Variants in TMTC2 observed in about 807,000 individuals in gnomAD.
TMTC2 encodes the protein protein O-mannosyl-transferase TMTC2.
Under a neutral mutation model 82.4 loss-of-function variants are expected in TMTC2, and 43 were observed. The observed-to-expected ratio is 0.52, with a 90% CI of 0.41 to 0.67. TMTC2 has a LOEUF of 0.67. Among genes scored for constraint, TMTC2 ranks in the 30% least tolerant of loss-of-function variants. TMTC2 has a pLI of 0.00. For missense variants in TMTC2, 919 were observed against 1,012.4 expected, an observed-to-expected ratio of 0.91 and a Z score of 1.25; for synonymous variants, 408 against 381.9, an observed-to-expected ratio of 1.07 and a Z score of -0.80.
intron 11 of TMTC2, among the ~76,000 whole-genome samples, chr12:83,082,294 G>A (rs2137505875): frequency 1.3e-5 from 2 of 152,268 alleles, no homozygotes; most frequent in South Asian, 4.2e-4. Flanking sequence ...GCTAACACAT[G>A]CTAGGCTCTG....
At chr12:82,994,770 T>C (rs1433750268) in intron 8 of TMTC2, among the ~76,000 whole-genome samples, 1 of 152,192 alleles carries the variant, frequency 6.6e-6, no homozygotes, top group African/African-American at 2.4e-5. Context: ...CCGTGTATTT[T>C]ATTTAGGTGA....
At chr12:82,799,959 CA>C (rs1305282689) in intron 1 of TMTC2, among the ~76,000 whole-genome samples, 3 of 151,814 alleles carry the variant, frequency 2.0e-5, no homozygotes, top group African/African-American at 4.8e-5. Flanking sequence ...TGGCCTTTTG[CA>C]AGACTACATC....
intron 1 of TMTC2, among the ~76,000 whole-genome samples, chr12:82,780,098 T>C (rs575763009): frequency 2.0e-5 from 3 of 152,292 alleles, no homozygotes; most frequent in South Asian, 2.1e-4. Context: ...CTGTTCTCAG[T>C]CTTTTCTATT....
intron 8 of TMTC2, among the ~76,000 whole-genome samples, chr12:83,020,679 C>T (rs1243487541): frequency 6.6e-6 from 1 of 152,062 alleles, no homozygotes; most frequent in Non-Finnish European, 1.5e-5. Flanking sequence ...ATATAGCAAC[C>T]TAAGTAATTT....
chr12:82,958,359 AAAAAAAAAAAAC>A (rs1454411635), intron 4 of TMTC2, among the ~76,000 whole-genome samples: 13 of 22,872 alleles, frequency 5.7e-4, no homozygotes. Flanking sequence ...TGTCTCAAAA[AAAAAAAAAAAAC>A]AAAAAAAACA....
intron 1 of TMTC2, among the ~76,000 whole-genome samples, chr12:82,839,558 G>A (rs949987722): frequency 2.6e-5 from 4 of 152,288 alleles, no homozygotes; most frequent in Admixed American, 6.5e-5. Flanking sequence ...GTTTCACATT[G>A]TCCTGTTGTT....
intron 1 of TMTC2, among the ~76,000 whole-genome samples, chr12:82,697,793 C>G (rs1872881488): frequency 1.3e-5 from 2 of 152,112 alleles, no homozygotes; most frequent in African/African-American, 2.4e-5. Flanking sequence ...GGCTTATGCT[C>G]AAGTAGGTGC....
intron 8 of TMTC2, among the ~76,000 whole-genome samples, chr12:83,004,722 ATTTTTTTTTTTTTTTTTTTTTTTTTT>A (rs528076999): frequency 7.8e-4 from 28 of 36,032 alleles, no homozygotes; most frequent in Middle Eastern, 0.038. Flanking sequence ...TACTGGCCGA[ATTTTTTTTTTTTTTTTTTTTTTTTTT>A]TTTTTTTTTT....
intron 1 of TMTC2, among the ~76,000 whole-genome samples, chr12:82,701,759 CAAAAAAAA>C (rs1303971501): frequency 1.1e-5 from 1 of 94,962 alleles, no homozygotes; most frequent in Non-Finnish European, 2.2e-5. Context: ...AACTCCGTCT[CAAAAAAAA>C]AAAAAAGAAA....
At chr12:82,785,352 AACAAC>A (rs1406430957) in intron 1 of TMTC2, among the ~76,000 whole-genome samples, 3 of 141,142 alleles carry the variant, frequency 2.1e-5, no homozygotes, top group Non-Finnish European at 4.6e-5. Flanking sequence ...AAAATAAACA[AACAAC>A]CCCCCCCCGT....
intron 3 of TMTC2, among the ~76,000 whole-genome samples, chr12:82,928,330 G>C (rs1875837273): frequency 6.6e-6 from 1 of 152,090 alleles, no homozygotes; most frequent in East Asian, 1.9e-4. Context: ...AGGAATAGGG[G>C]TTTAAAAATT....
chr12:82,726,670 A>G (rs966128075), intron 1 of TMTC2, among the ~76,000 whole-genome samples: 4 of 152,050 alleles, frequency 2.6e-5, no homozygotes, highest in Non-Finnish European at 5.9e-5. Flanking sequence ...CACAAGGTCA[A>G]GAGATAGAGA....
At chr12:82,979,619 CACCTAA>C (rs1377533991) in intron 7 of TMTC2, among the ~76,000 whole-genome samples, 10 of 151,480 alleles carry the variant, frequency 6.6e-5, no homozygotes, top group African/African-American at 2.4e-4. Flanking sequence ...AATTATGTAC[CACCTAA>C]TTATGTACCA....
intron 1 of TMTC2, among the ~76,000 whole-genome samples, chr12:82,814,804 T>C (rs937902579): frequency 3.9e-5 from 6 of 152,174 alleles, no homozygotes; most frequent in Non-Finnish European, 7.3e-5. Flanking sequence ...AGATGAGGAA[T>C]TGACCTTTAC....
chr12:83,033,806 A>ACGTG (rs1555207122), intron 9 of TMTC2, among the ~76,000 whole-genome samples: 1 of 135,742 alleles, frequency 7.4e-6, no homozygotes, highest in Non-Finnish European at 1.6e-5. Context: ...ATATATACAC[A>ACGTG]TATATGTGTG....
At chr12:82,895,766 C>T (rs1873632405) in intron 2 of TMTC2, 52 bp from the exon 3 acceptor site, 3 of 1,468,434 alleles carry the variant, frequency 2.0e-6, no homozygotes, top group South Asian at 1.3e-5. Context: ...TAAGTGTTCC[C>T]ATGCTGTACT....
At chr12:83,108,093 C>A (rs190985776) in intron 11 of TMTC2, among the ~76,000 whole-genome samples, 164 of 152,172 alleles carry the variant, frequency 1.1e-3, no homozygotes, top group African/African-American at 3.8e-3. Flanking sequence ...CCTGAGGCCT[C>A]CCCAGCCGTG....
intron 8 of TMTC2, among the ~76,000 whole-genome samples, chr12:82,999,192 C>T (rs1048331456): frequency 2.6e-5 from 4 of 152,072 alleles, no homozygotes; most frequent in African/African-American, 4.8e-5. Flanking sequence ...GTTTCTCAGA[C>T]TTATTTTTAT....
intron 8 of TMTC2, among the ~76,000 whole-genome samples, chr12:82,992,726 C>T (rs1416090427): frequency 1.3e-5 from 2 of 152,054 alleles, no homozygotes; most frequent in Non-Finnish European, 2.9e-5. Context: ...CATTTGTTTT[C>T]TAGTATCAGT....
Sources: allele counts gnomAD v4.1 joint callset (sites outside exome capture counted in the v4.1 genomes callset), GRCh38; gene constraint gnomAD v4.1.1; transcripts MANE v1.5; gene names NCBI Gene and HGNC (gene_info 2026-07-23, HGNC 2026-07-21).